Variants in SMAGP observed in about 807,000 individuals in gnomAD.
The protein encoded by SMAGP is small cell transmembrane and glycosylated protein.
Under a neutral mutation model 10.1 loss-of-function variants are expected in SMAGP, and 7 were observed. That is an observed-to-expected ratio of 0.70 (90% CI 0.40 to 1.31). The LOEUF (loss-of-function observed/expected upper bound fraction) is 1.31. SMAGP is among the 50% of genes most tolerant of loss of function. SMAGP has a pLI of 0.01. For synonymous variants in SMAGP, 49 were observed against 47.2 expected (o/e 1.04, Z -0.16); for missense variants, 113 against 116.5 (o/e 0.97, Z 0.14).
At position 51,252,388 on chromosome 12, in the gene SMAGP, C is replaced by T. The variant is rs113437261; in HGVS notation, c.35-5557G>A. On this transcript the variant is annotated intron_variant, in intron 2 of 3. Coordinates refer to ENST00000603798, the MANE Select transcript of SMAGP (RefSeq NM_001031628.2). ...GGATTACAGGTATGAGCCACTGTGC[C>T]CGGCCTATTATTATTATTTTTGAGG... 6.6e-3 allele frequency among the ~76,000 whole-genome samples: 989 copies of T among 150,174 alleles called. 11 individuals are homozygous for T. The highest frequency in any genetic ancestry group is 0.022 in the African/African-American group (917 of 40,800).
chr12:51,265,592 TAAGTG>T (rs1944966519), intron 2 of SMAGP, among the ~76,000 whole-genome samples: 1 of 152,212 alleles, frequency 6.6e-6, no homozygotes, highest in African/African-American at 2.4e-5. Flanking sequence ...AATATTATGC[TAAGTG>T]AAGTTAGCCA....
chr12:51,264,117 G>C (rs1416098008), intron 2 of SMAGP, among the ~76,000 whole-genome samples: 1 of 152,084 alleles, frequency 6.6e-6, no homozygotes, highest in Non-Finnish European at 1.5e-5. Flanking sequence ...AGTCTTTATA[G>C]ACTGTGAGGG....
intron 2 of SMAGP, among the ~76,000 whole-genome samples, chr12:51,259,962 A>G (rs1315183999): frequency 6.6e-6 from 1 of 152,042 alleles, no homozygotes; most frequent in Non-Finnish European, 1.5e-5. Flanking sequence ...GTATCCTGCC[A>G]CCTTGGCCTC....
Position 51,261,932 on chromosome 12 carries a change from T to TA in SMAGP, c.34+7312dup, listed in dbSNP as rs142814908. 4.9e-4 allele frequency among the ~76,000 whole-genome samples: 72 copies of TA among 146,224 alleles called. 2 individuals are homozygous for TA. Among genetic ancestry groups the TA allele is most frequent in the Middle Eastern group, 3.5e-3 (1 of 286 alleles). On this transcript the variant is annotated intron_variant, in intron 2 of 3. Coordinates refer to ENST00000603798, the MANE Select transcript of SMAGP (RefSeq NM_001031628.2). ...TATGTAGTAGGACTGCATCTTTGTT[T>TA]AAAAAAAAAAAAAAAAGTAAATTGG... is the stretch of plus-strand genomic sequence containing the variant.
At chr12:51,269,951 A>C (rs1945013257) in intron 1 of SMAGP, 1 of 149,588 alleles carries the variant, frequency 6.7e-6, no homozygotes, top group Non-Finnish European at 1.5e-5. Flanking sequence ...CGCGCCCCGG[A>C]GATCCTCGAC....
At chr12:51,252,636 CCTCCT>C (rs1418585972) in intron 2 of SMAGP, among the ~76,000 whole-genome samples, 1 of 152,138 alleles carries the variant, frequency 6.6e-6, no homozygotes, top group Non-Finnish European at 1.5e-5. Flanking sequence ...GGTGATCCGC[CCTCCT>C]CAGCCTCCCA....
intron 2 of SMAGP, among the ~76,000 whole-genome samples, chr12:51,252,094 G>GT (rs1944844320): frequency 8.5e-6 from 1 of 117,484 alleles, no homozygotes; most frequent in Non-Finnish European, 2.0e-5. Flanking sequence ...CTCTACATCA[G>GT]ATTTTTTTTT....
At chr12:51,267,468 C>CA (rs1944984994) in intron 2 of SMAGP, among the ~76,000 whole-genome samples, 1 of 134,372 alleles carries the variant, frequency 7.4e-6, no homozygotes, top group African/African-American at 3.3e-5. Flanking sequence ...TGACCTATTC[C>CA]CCCCCCCCAC....
chr12:51,249,752 G>C (rs1388082274), intron 2 of SMAGP, among the ~76,000 whole-genome samples: 1 of 151,986 alleles, frequency 6.6e-6, no homozygotes, highest in African/African-American at 2.4e-5. Flanking sequence ...GAGTAGCTGG[G>C]ATTACAGGTG....
At chr12:51,253,369 C>A (rs7968303) in intron 2 of SMAGP, among the ~76,000 whole-genome samples, 3 of 152,088 alleles carry the variant, frequency 2.0e-5, no homozygotes, top group African/African-American at 7.2e-5. Flanking sequence ...CAGGATTAAA[C>A]AGAATTACCC....
intron 2 of SMAGP, among the ~76,000 whole-genome samples, chr12:51,260,427 A>G (rs552269593): frequency 6.6e-6 from 1 of 151,432 alleles, no homozygotes; most frequent in South Asian, 2.1e-4. Flanking sequence ...CCCAGGCTGG[A>G]GTGCAGTGGC....
rs1310878775 is a variant in SMAGP at position 51,246,738 on chromosome 12, CAG to C, written c.115+11_115+12del. On this transcript the variant is annotated intron_variant, in intron 3 of 3. Transcript: ENST00000603798. Reference sequence around the variant, plus strand: ...TCCAGAAGGTCCCTTGGAGTTGGCTCAGAGTCTATTACCTGCAATGAGTGCTG... The same window carrying C: ...TCCAGAAGGTCCCTTGGAGTTGGCTCAGTCTATTACCTGCAATGAGTGCTG... 7.7e-6 allele frequency: 12 copies of C among 1,554,698 alleles called. No homozygotes were observed. The highest frequency in any genetic ancestry group is 2.0e-5 in the Admixed American group (1 of 49,506).
chr12:51,269,459 T>A lies in SMAGP; in HGVS notation c.-38-143A>T, dbSNP rs1945006627. 7.9e-6 allele frequency: 5 copies of A among 632,542 alleles called. No individual in the cohort carries two copies. In the East Asian group the frequency reaches 1.4e-4, roughly 18 times the overall value. The allele number at this position is 632,542 out of a possible 1,614,324, so 39.2% of individuals were successfully genotyped here. A position where few individuals can be genotyped will look rare whatever the true frequency, so the allele number is the denominator to read the frequency against. ...CTTGTCCTCTTCTGGTTTCCCTGAA[T>A]ATCTCCTCAGGCTCCAGGTACCAAC... On this transcript the variant is annotated intron_variant, in intron 1 of 3. Transcript: ENST00000603798.
At chr12:51,260,889 T>C (rs940821434) in intron 2 of SMAGP, among the ~76,000 whole-genome samples, 11 of 150,984 alleles carry the variant, frequency 7.3e-5, no homozygotes, top group African/African-American at 2.4e-4. Context: ...GGTTTCACCA[T>C]GTTAGCCAGG....
At chr12:51,246,509 A>G (rs1420595646) in intron 3 of SMAGP, 3 of 448,968 alleles carry the variant, frequency 6.7e-6, no homozygotes, top group Non-Finnish European at 7.9e-6. Context: ...CCACGTACTC[A>G]AGTGTAACGT....
Position 51,260,932 on chromosome 12 carries a change from C to T in SMAGP, c.34+8313G>A, listed in dbSNP as rs146847443. On this transcript the variant is annotated intron_variant, in intron 2 of 3. Coordinates refer to ENST00000603798, the MANE Select transcript of SMAGP (RefSeq NM_001031628.2). ...CGATCTCCTGACTTCGTGATCCACC[C>T]GCCTCAGCCTCCCAAAGTGCTGGGA... Among the ~76,000 whole-genome samples the T allele has an allele frequency of 8.5e-3, 1,291 of 151,042 alleles. 9 individuals carry two copies. Among genetic ancestry groups the T allele is most frequent in the African/African-American group, 0.03 (1,230 of 41,166 alleles).
chr12:51,259,934 T>C (rs1383309809), intron 2 of SMAGP, among the ~76,000 whole-genome samples: 9 of 152,116 alleles, frequency 5.9e-5, no homozygotes, highest in African/African-American at 2.2e-4. Context: ...ACGCTGGTCT[T>C]GAACTCCTGG....
rs954512711 is a variant in SMAGP, at chr12:51,270,370, C to A, written c.-153G>T. On this transcript the variant is annotated 5_prime_UTR_variant, in exon 1 of 4. Transcript: ENST00000603798. ...GAGGCCAGCAGAGGCCGAACGAGGA[C>A]CCCGAGCGGAGGAAGCCGCGGGTGG... 9.9e-6 allele frequency: 2 copies of A among 202,354 alleles called. No homozygotes were observed. Among genetic ancestry groups the A allele is most frequent in the Non-Finnish European group, 2.0e-5 (2 of 101,364 alleles). The allele number at this position is 202,354 out of a possible 1,614,324, so 12.5% of individuals were successfully genotyped here.
chr12:51,245,541 G>C lies in SMAGP; in HGVS notation c.*400C>G, dbSNP rs966060655. The C allele has an allele frequency of 3.6e-5, 6 of 168,364 alleles. No individual in the cohort carries two copies. Among genetic ancestry groups the C allele is most frequent in the African/African-American group, 1.4e-4 (6 of 42,018 alleles). The allele number at this position is 168,364 out of a possible 1,614,324, so 10.4% of individuals were successfully genotyped here. On this transcript the variant is annotated 3_prime_UTR_variant, in exon 4 of 4. Coordinates refer to ENST00000603798, the MANE Select transcript of SMAGP (RefSeq NM_001031628.2). ...TCCAGCCTCTGGGAAGACCTTGTAT[G>C]GACAGTATCTCCACTGGGGCTATCA...
Sources: gnomAD v4.1 joint callset for allele counts (sites outside exome capture counted in the v4.1 genomes callset) on GRCh38, gnomAD v4.1.1 for gene constraint, MANE v1.5 for transcripts, NCBI Gene and HGNC (gene_info 2026-07-23, HGNC 2026-07-21) for gene names.